LARGE1: variants seen among roughly 807,000 people sequenced by gnomAD.
LARGE1 encodes the protein xylosyl- and glucuronyltransferase LARGE1.
In LARGE1, 43 loss-of-function variants were observed where a neutral mutation model predicts 87.6. The observed-to-expected ratio is 0.49, with a 90% CI of 0.38 to 0.63. The LOEUF (loss-of-function observed/expected upper bound fraction) is 0.63. Among genes scored for constraint, LARGE1 ranks in the 30% least tolerant of loss-of-function variants. The pLI is 0.00. For synonymous variants in LARGE1, 434 were observed against 394.6 expected (o/e 1.10, Z -1.18); for missense variants, 802 against 1,000.2 (o/e 0.80, Z 2.67).
chr22:33,830,409 G>C (rs1308492406), intron 1 of LARGE1, among the ~76,000 whole-genome samples: 2 of 152,102 alleles, frequency 1.3e-5, no homozygotes, highest in Non-Finnish European at 2.9e-5. Flanking sequence ...AATTGTCAGG[G>C]ACACATTTCC....
chr22:33,561,317 A>C (rs1293679572), intron 6 of LARGE1, among the ~76,000 whole-genome samples: 3 of 152,210 alleles, frequency 2.0e-5, no homozygotes, highest in African/African-American at 7.2e-5. Flanking sequence ...CTGGTACGCC[A>C]GGGAGAGGAC....
rs191676225 is a variant in LARGE1 at position 33,677,660 on chromosome 22, T to C, written c.107-26992A>G. ...GCAGCATTCTCTCTTTTCTACCAGC[T>C]GATAAATTCTTTTGCCCAAGGGTGC... On this transcript the variant is annotated intron_variant, in intron 2 of 14. Coordinates refer to ENST00000397394, the MANE Select transcript of LARGE1 (RefSeq NM_133642.5). Among the ~76,000 whole-genome samples, 38 of 152,306 alleles carry C rather than the reference T, an allele frequency of 2.5e-4. No individual in the cohort carries two copies. The East Asian group carries it at 5.2e-3, about 21-fold the overall frequency.
chr22:33,403,359 T>G (rs148298083), intron 7 of LARGE1, among the ~76,000 whole-genome samples: 3 of 152,286 alleles, frequency 2.0e-5, no homozygotes, highest in African/African-American at 7.2e-5. Flanking sequence ...GCTAAAAAAT[T>G]CCACTTGTGT....
In LARGE1 at chr22:33,700,152, G is replaced by A. The variant is rs143626303; in HGVS notation, c.107-49484C>T. ...TAAGGACAGTGGTTCTCAAAGGGTT[G>A]TCCTGGGAACAGCAGCATCACCTAC... On this transcript the variant is annotated intron_variant, in intron 2 of 14. Transcript: ENST00000397394. Among the ~76,000 whole-genome samples, 193 of 152,226 alleles carry A rather than the reference G, an allele frequency of 1.3e-3. 1 individual carries two copies. The highest frequency in any genetic ancestry group is 6.9e-3 in the South Asian group (33 of 4,816).
intron 10 of LARGE1, among the ~76,000 whole-genome samples, chr22:33,316,658 G>A (rs543237484): frequency 6.6e-6 from 1 of 151,972 alleles, no homozygotes; most frequent in Non-Finnish European, 1.5e-5. Context: ...AATCACCTGA[G>A]CCCGGGACAT....
intron 2 of LARGE1, among the ~76,000 whole-genome samples, chr22:33,733,868 G>A (rs1450539702): frequency 6.6e-6 from 1 of 152,188 alleles, no homozygotes; most frequent in Non-Finnish European, 1.5e-5. Context: ...TAGCATTCAT[G>A]GAGATGGTGG....
intron 2 of LARGE1, chr22:33,732,502 A>C (rs1216174881): frequency 6.6e-6 from 1 of 152,604 alleles, no homozygotes; most frequent in African/African-American, 2.4e-5. Flanking sequence ...CCAGGAATGC[A>C]GTGAACAAGA....
intron 11 of LARGE1, among the ~76,000 whole-genome samples, chr22:33,184,615 AC>A (rs1446155164): frequency 1.3e-5 from 2 of 152,002 alleles, no homozygotes; most frequent in African/African-American, 4.8e-5. Context: ...AAAGAAAAAA[AC>A]AAAAAATTAA....
chr22:33,155,986 C>T, the LARGE1 span, among the ~76,000 whole-genome samples: 3 of 152,290 alleles, frequency 2.0e-5, no homozygotes, highest in Admixed American at 1.3e-4. Flanking sequence ...CTTGCATCTT[C>T]CATGTAGTGT....
At chr22:33,382,116 A>T (rs2065179482) in intron 8 of LARGE1, 72 bp from the exon 9 acceptor site, 1 of 1,598,128 alleles carries the variant, frequency 6.3e-7, no homozygotes, top group Non-Finnish European at 8.5e-7. Context: ...CTCTCAAGGC[A>T]CTGCATCCCC....
In LARGE1 at chr22:33,167,337, C is replaced by T. The variant is rs1007640234; in HGVS notation, c.1731-505G>A. 9.2e-5 allele frequency among the ~76,000 whole-genome samples: 14 copies of T among 152,256 alleles called. No homozygotes were observed. In the East Asian group the frequency reaches 2.7e-3, roughly 29 times the overall value. ...ACAGTACAGCTAGGAAAGCACATAT[C>T]CCAGAGAGATGAAGAAAATTTGTTC... is the stretch of plus-strand genomic sequence containing the variant. On this transcript the variant is annotated intron_variant, in intron 11 of 11. Transcript: ENST00000608642.
At chr22:33,921,142 G>A (rs991886587), upstream of LARGE1, among the ~76,000 whole-genome samples, 6 of 151,604 alleles carry the variant, frequency 4.0e-5, no homozygotes, top group Non-Finnish European at 7.4e-5. This position sits in a 1 kb window ranked among gnomAD's most constrained non-coding sequence, Gnocchi z 4.1. Flanking sequence ...AATGGCAAGC[G>A]CCGCAGCCGC....
chr22:33,905,051 T>G (rs1211752665), intron 1 of LARGE1, among the ~76,000 whole-genome samples: 2 of 151,596 alleles, frequency 1.3e-5, no homozygotes, highest in African/African-American at 4.8e-5. Context: ...TAAGTTTTTT[T>G]TTTTTAATTC....
the LARGE1 span, among the ~76,000 whole-genome samples, chr22:33,135,330 C>A: frequency 4.8e-4 from 73 of 152,266 alleles, no homozygotes; most frequent in African/African-American, 1.4e-3. Flanking sequence ...CAGGTGTTGT[C>A]CTGCCTTGGG....
intron 6 of LARGE1, among the ~76,000 whole-genome samples, chr22:33,480,516 C>T (rs1168849083): frequency 6.6e-6 from 1 of 152,122 alleles, no homozygotes; most frequent in African/African-American, 2.4e-5. Flanking sequence ...CAGAAAGCAG[C>T]CTTCTTCCAG....
chr22:33,608,500 G>T (rs2079330454), intron 4 of LARGE1, among the ~76,000 whole-genome samples: 1 of 152,152 alleles, frequency 6.6e-6, no homozygotes, highest in Admixed American at 6.5e-5. Context: ...TCTGTAGCAA[G>T]GCATTGTGAT....
chr22:33,849,080 T>C (rs1040717952), intron 1 of LARGE1, among the ~76,000 whole-genome samples: 11 of 152,196 alleles, frequency 7.2e-5, no homozygotes, highest in Non-Finnish European at 1.3e-4. Flanking sequence ...AGGGACTGTG[T>C]AGAGAAAGAA....
intron 11 of LARGE1, among the ~76,000 whole-genome samples, chr22:33,184,313 T>C (rs1398732706): frequency 1.3e-5 from 2 of 151,238 alleles, no homozygotes; most frequent in African/African-American, 2.4e-5. Flanking sequence ...CTGAAAATAT[T>C]TGGAAGCTAA....
At chr22:33,390,047 C>A (rs1268237637) in intron 7 of LARGE1, among the ~76,000 whole-genome samples, 1 of 152,184 alleles carries the variant, frequency 6.6e-6, no homozygotes, top group Non-Finnish European at 1.5e-5. Context: ...ATTTTCTTTT[C>A]TTTCATCAGA....
Sources: allele counts gnomAD v4.1 joint callset (sites outside exome capture counted in the v4.1 genomes callset), GRCh38; gene constraint gnomAD v4.1.1; non-coding constraint Gnocchi (gnomAD v3.1); transcripts MANE v1.5; gene names NCBI Gene and HGNC (gene_info 2026-07-23, HGNC 2026-07-21).